Variants in SCN11A observed in about 807,000 individuals in gnomAD.
The protein encoded by SCN11A is sodium voltage-gated channel alpha subunit 11, also known as sodium channel protein type 11 subunit alpha.
A neutral mutation model predicts 162.2 loss-of-function variants in SCN11A; 122 were observed. The observed-to-expected ratio is 0.75, with a 90% CI of 0.65 to 0.87. SCN11A has a LOEUF of 0.87. SCN11A is among the 40% of genes least tolerant of loss of function. SCN11A has a pLI of 0.00. For missense variants in SCN11A, 2,015 were observed against 2,181.6 expected, an observed-to-expected ratio of 0.92 and a Z score of 1.52; for synonymous variants, 758 against 751.5, an observed-to-expected ratio of 1.01 and a Z score of -0.14.
chr3:39,036,673 C>A (rs767713887), intron 1 of SCN11A, among the ~76,000 whole-genome samples: 1 of 152,032 alleles, frequency 6.6e-6, no homozygotes, highest in Non-Finnish European at 1.5e-5. Flanking sequence ...ATCTAATAAT[C>A]CAATTAAAAA....
chr3:38,992,862 C>G (rs2030495000), intron 2 of SCN11A, among the ~76,000 whole-genome samples: 1 of 152,284 alleles, frequency 6.6e-6, no homozygotes, highest in East Asian at 1.9e-4. Flanking sequence ...GCTACCTTTC[C>G]CTCTTCCATT....
At chr3:39,041,863 T>C (rs2032055060) in intron 1 of SCN11A, among the ~76,000 whole-genome samples, 1 of 152,052 alleles carries the variant, frequency 6.6e-6, no homozygotes, top group South Asian at 2.1e-4. Flanking sequence ...TCAAAACAAC[T>C]AGAAAACAAT....
At chr3:38,920,607 C>T (rs2066032876) in intron 10 of SCN11A, among the ~76,000 whole-genome samples, 1 of 149,464 alleles carries the variant, frequency 6.7e-6, no homozygotes, top group Non-Finnish European at 1.5e-5. Context: ...AGGAGAATCA[C>T]TTGAACCTGG....
At chr3:39,042,973 A>AAAAAAAG (rs1180905124) in intron 1 of SCN11A, among the ~76,000 whole-genome samples, 37 of 141,312 alleles carry the variant, frequency 2.6e-4, no homozygotes, top group African/African-American at 9.0e-4. Flanking sequence ...AAAAAAAAAA[A>AAAAAAAG]AAAAAAGAAA....
At chr3:38,879,896 C>T in intron 23 of SCN11A, 54 bp downstream of exon 23, 1 of 1,462,156 alleles carries the variant, frequency 6.8e-7, no homozygotes, top group South Asian at 1.2e-5. Context: ...TCCATATGAT[C>T]CCTGCCTTAA....
Position 38,972,128 on chromosome 3 carries a change from CCTT to C in SCN11A, c.-279-11708_-279-11706del, listed in dbSNP as rs1388841395. Among the ~76,000 whole-genome samples, 4 of 152,272 alleles carry C rather than the reference CCTT, an allele frequency of 2.6e-5. No individual in the cohort carries two copies. The East Asian group carries it at 7.7e-4, about 29-fold the overall frequency. Reference sequence around the variant, plus strand: ...ATTTCTTAAATTACTTGGTTTCACTCCTTGTTGTTATGTACAGTTAATTGGAGG... The same window carrying C: ...ATTTCTTAAATTACTTGGTTTCACTCGTTGTTATGTACAGTTAATTGGAGG... On this transcript the variant is annotated intron_variant, in intron 2 of 29. Transcript: ENST00000302328.
intron 2 of SCN11A, among the ~76,000 whole-genome samples, chr3:38,974,429 C>T (rs985003162): frequency 6.6e-6 from 1 of 152,066 alleles, no homozygotes; most frequent in Non-Finnish European, 1.5e-5. Flanking sequence ...GGCGCAGTGG[C>T]TCATGCCTAT....
chr3:38,890,211 G>A lies in SCN11A; in HGVS notation c.2836-3973C>T, dbSNP rs1245207557. ...AGCTCTGGGGGTGGGGAGGATTAAG[G>A]AAGAAGGAAACTGAGAAGTTGAGAG... On this transcript the variant is annotated intron_variant, in intron 19 of 29. Transcript: ENST00000302328. Among the ~76,000 whole-genome samples the A allele has an allele frequency of 3.3e-5, 5 of 152,300 alleles. No homozygotes were observed. In the East Asian group the frequency reaches 7.7e-4, roughly 24 times the overall value.
chr3:38,986,864 G>C (rs1429109335), intron 2 of SCN11A, among the ~76,000 whole-genome samples: 3 of 152,154 alleles, frequency 2.0e-5, no homozygotes, highest in African/African-American at 7.2e-5. Context: ...GAGTCTCTTG[G>C]AGCAAGGATC....
chr3:39,047,828 T>TAG (rs770590207), intron 1 of SCN11A, among the ~76,000 whole-genome samples: 4 of 152,176 alleles, frequency 2.6e-5, no homozygotes, highest in Non-Finnish European at 4.4e-5. Context: ...CACAGTGAGA[T>TAG]ATTATCTCAC....
intron 2 of SCN11A, among the ~76,000 whole-genome samples, chr3:38,989,725 T>C (rs2125593766): frequency 6.6e-6 from 1 of 152,314 alleles, no homozygotes; most frequent in South Asian, 2.1e-4. Flanking sequence ...AAAATGGGAA[T>C]TAGTGAGTAA....
In SCN11A at chr3:38,895,040, T is replaced by G; in HGVS notation, c.2404-76A>C. On this transcript the variant is annotated intron_variant, in intron 18 of 29. Coordinates refer to ENST00000302328, the MANE Select transcript of SCN11A (RefSeq NM_001349253.2). ...GATATAGTGGGTTTCCAGGACAACT[T>G]TTCCCCAAGACTAAAAACAGAATCA... 4 of 1,355,212 alleles carry G rather than the reference T, an allele frequency of 3.0e-6. No individual in the cohort carries two copies. In the East Asian group the frequency reaches 9.4e-5, roughly 32 times the overall value. The allele number at this position is 1,355,212 out of a possible 1,614,324, so 83.9% of individuals were successfully genotyped here.
Position 38,883,378 on chromosome 3 carries a change from C to G in SCN11A, c.3074G>C (p.Cys1025Ser). 1 of 1,611,914 alleles carries G rather than the reference C, an allele frequency of 6.2e-7. No individual in the cohort carries two copies. The highest frequency in any genetic ancestry group is 8.5e-7 in the Non-Finnish European group (1 of 1,179,242). The change falls in exon 22 of 30, where the codon TGC becomes TCC. Residue 1025 changes from cysteine (C) to serine (S), a missense_variant. Transcript: ENST00000302328. Reference protein sequence around the residue: ...PERCLPKGFGCCFPCCSVDKR... With the variant: ...PERCLPKGFGSCFPCCSVDKR... Reference sequence around the variant, plus strand: ...GTCCACGCTACAGCATGGAAAGCAGCAACCAAAGCCTGAAAGGAATTAATG... The same window carrying G: ...GTCCACGCTACAGCATGGAAAGCAGGAACCAAAGCCTGAAAGGAATTAATG...
intron 2 of SCN11A, among the ~76,000 whole-genome samples, chr3:38,976,362 G>A (rs2066850073): frequency 6.6e-6 from 1 of 152,144 alleles, no homozygotes; most frequent in African/African-American, 2.4e-5. Context: ...TTTGAATGCA[G>A]CAGACTTAAG....
intron 2 of SCN11A, among the ~76,000 whole-genome samples, chr3:38,977,249 G>T (rs2066855016): frequency 6.6e-6 from 1 of 152,136 alleles, no homozygotes; most frequent in Non-Finnish European, 1.5e-5. Flanking sequence ...CTGAAATGTT[G>T]CCATGGTTTC....
intron 2 of SCN11A, among the ~76,000 whole-genome samples, chr3:38,999,820 CTTATAA>C (rs529577164): frequency 1.3e-5 from 2 of 152,124 alleles, no homozygotes; most frequent in Non-Finnish European, 2.9e-5. Flanking sequence ...TGCTTCCCAA[CTTATAA>C]TTATAGGTAC....
intron 1 of SCN11A, among the ~76,000 whole-genome samples, chr3:39,036,859 C>CATAT: frequency 6.6e-6 from 1 of 152,326 alleles, no homozygotes; most frequent in Non-Finnish European, 1.5e-5. Context: ...AGGGAACCCT[C>CATAT]ATATACTGTT....
rs1048171064 is a variant in SCN11A, at chr3:38,888,607, G to A, written c.2836-2369C>T. Among the ~76,000 whole-genome samples the A allele has an allele frequency of 3.9e-5, 6 of 152,146 alleles. No homozygotes were observed. In the South Asian group the frequency reaches 1.2e-3, roughly 31 times the overall value. Reference sequence around the variant, plus strand: ...AAGTTACATAGAGTTTCACTTCCTGGATGATAGCATGATAATCTCTGCGGA... The same window carrying A: ...AAGTTACATAGAGTTTCACTTCCTGAATGATAGCATGATAATCTCTGCGGA... On this transcript the variant is annotated intron_variant, in intron 19 of 29. Transcript: ENST00000302328.
At chr3:39,045,612 C>G (rs2032164791) in intron 1 of SCN11A, among the ~76,000 whole-genome samples, 1 of 152,112 alleles carries the variant, frequency 6.6e-6, no homozygotes, top group African/African-American at 2.4e-5. Context: ...GATAAAAACT[C>G]TCAACAAAGG....
Sources: gnomAD v4.1 joint callset for allele counts (sites outside exome capture counted in the v4.1 genomes callset) on GRCh38, gnomAD v4.1.1 for gene constraint, MANE v1.5 for transcripts, NCBI Gene and HGNC (gene_info 2026-07-23, HGNC 2026-07-21) for gene names.